The following EPHA5 variants were observed in gnomAD, a reference collection of about 807,000 sequenced individuals.
EPHA5 encodes EPH receptor A5.
A neutral mutation model predicts 105.0 loss-of-function variants in EPHA5; 60 were observed. That is an observed-to-expected ratio of 0.57 (90% confidence interval 0.46 to 0.71). EPHA5 has a LOEUF of 0.71. EPHA5 is among the 30% of genes least tolerant of loss of function. The pLI is 0.00. For synonymous variants in EPHA5, 513 were observed against 449.1 expected (o/e 1.14, Z -1.80); for missense variants, 1,218 against 1,274.7 (o/e 0.96, Z 0.68).
intron 2 of EPHA5, among the ~76,000 whole-genome samples, chr4:65,633,702 G>A (rs1181923716): frequency 1.3e-5 from 2 of 151,960 alleles, no homozygotes; most frequent in Non-Finnish European, 2.9e-5. Flanking sequence ...ATATGAGATT[G>A]TGGAAATTAT....
intron 1 of EPHA5, among the ~76,000 whole-genome samples, chr4:65,646,663 A>G (rs1748136658): frequency 6.6e-6 from 1 of 152,152 alleles, no homozygotes. Flanking sequence ...AATTATTTAT[A>G]TGGTATATCA....
intron 3 of EPHA5, among the ~76,000 whole-genome samples, chr4:65,546,591 A>C (rs941793995): frequency 2.0e-5 from 3 of 151,952 alleles, no homozygotes; most frequent in African/African-American, 7.2e-5. Flanking sequence ...ACAACTGTCC[A>C]CTGATTTTTA....
At chr4:65,353,909 A>C (rs1723064647) in intron 11 of EPHA5, among the ~76,000 whole-genome samples, 1 of 151,776 alleles carries the variant, frequency 6.6e-6, no homozygotes, top group Non-Finnish European at 1.5e-5. Context: ...TTTCCTTAGC[A>C]GTCATTAATT....
At chr4:65,513,412 A>T (rs1018449965) in intron 3 of EPHA5, among the ~76,000 whole-genome samples, 2 of 151,964 alleles carry the variant, frequency 1.3e-5, no homozygotes, top group Non-Finnish European at 2.9e-5. Flanking sequence ...TCTGAGTTGG[A>T]GTCTCGCTCT....
At chr4:65,432,075 C>A (rs553568615) in intron 5 of EPHA5, among the ~76,000 whole-genome samples, 3 of 152,072 alleles carry the variant, frequency 2.0e-5, no homozygotes, top group East Asian at 1.9e-4. Context: ...ATTTAAAAAA[C>A]CAGAATTGAG....
chr4:65,571,252 A>C (rs1740144522), intron 3 of EPHA5, among the ~76,000 whole-genome samples: 1 of 151,994 alleles, frequency 6.6e-6, no homozygotes, highest in Non-Finnish European at 1.5e-5. Flanking sequence ...TTAAAAAGGA[A>C]CGCTTATTAA....
intron 3 of EPHA5, among the ~76,000 whole-genome samples, chr4:65,563,149 C>T (rs954526226): frequency 6.6e-6 from 1 of 151,690 alleles, no homozygotes; most frequent in Admixed American, 6.6e-5. Flanking sequence ...ATTGTTTTAG[C>T]CATACATAGT....
chr4:65,327,094 G>C (rs1448638034), intron 16 of EPHA5, among the ~76,000 whole-genome samples: 1 of 151,072 alleles, frequency 6.6e-6, no homozygotes, highest in Admixed American at 6.6e-5. Flanking sequence ...TTGAGAACAT[G>C]AAAGACTCTA....
intron 16 of EPHA5, among the ~76,000 whole-genome samples, chr4:65,329,646 A>C (rs1453302496): frequency 6.6e-6 from 1 of 151,250 alleles, no homozygotes; most frequent in African/African-American, 2.4e-5. Flanking sequence ...TAACTCTAAG[A>C]ATTATATTTT....
At chr4:65,437,894 C>T (rs1043744649) in intron 5 of EPHA5, among the ~76,000 whole-genome samples, 9 of 151,770 alleles carry the variant, frequency 5.9e-5, no homozygotes, top group African/African-American at 2.2e-4. Context: ...CATGAATTTA[C>T]ATAGTTAAAA....
intron 8 of EPHA5, among the ~76,000 whole-genome samples, chr4:65,403,273 C>A (rs1409570450): frequency 1.3e-5 from 2 of 152,070 alleles, no homozygotes; most frequent in Non-Finnish European, 2.9e-5. Flanking sequence ...TTGAAAAGTG[C>A]CCAATTCTGT....
chr4:65,371,240 G>A (rs186602886), intron 8 of EPHA5, among the ~76,000 whole-genome samples: 164 of 151,962 alleles, frequency 1.1e-3, no homozygotes, highest in African/African-American at 3.7e-3. Flanking sequence ...TGTCCTTTTG[G>A]AAAACAATGT....
chr4:65,457,891 G>A (rs554438402), intron 5 of EPHA5, among the ~76,000 whole-genome samples: 2 of 151,316 alleles, frequency 1.3e-5, no homozygotes, highest in Non-Finnish European at 2.9e-5. Flanking sequence ...TAGCTAACAG[G>A]GTGAAACCCC....
rs1719536598 is a variant in EPHA5, at chr4:65,320,284, T to A, written c.*3830A>T. On this transcript the variant is annotated 3_prime_UTR_variant, in exon 17 of 17. Coordinates refer to ENST00000613740, the MANE Select transcript of EPHA5 (RefSeq NM_001281766.3). The stretch of plus-strand genomic sequence containing the variant: ...AAAAAATGATGACTTATTTTACTTA[T>A]TAATGTCAAATAAAGCTAGCATTTT... 4.3e-6 allele frequency: 1 copy of A among 230,282 alleles called. No individual in the cohort carries two copies. Among genetic ancestry groups the A allele is most frequent in the African/African-American group, 2.2e-5 (1 of 45,154 alleles). 14.3% of individuals were successfully genotyped at this position (230,282 alleles called of 1,614,324 possible).
At chr4:65,600,371 T>C (rs1228461290) in intron 3 of EPHA5, among the ~76,000 whole-genome samples, 1 of 152,152 alleles carries the variant, frequency 6.6e-6, no homozygotes, top group African/African-American at 2.4e-5. Flanking sequence ...ATGTAGAAAG[T>C]TGTAGCTTGC....
At chr4:65,415,452 A>G (rs2149024342) in intron 6 of EPHA5, among the ~76,000 whole-genome samples, 1 of 152,134 alleles carries the variant, frequency 6.6e-6, no homozygotes, top group South Asian at 2.1e-4. Context: ...TACCACTAAT[A>G]CTATCTAAAA....
At chr4:65,651,896 G>A (rs1355140655) in intron 1 of EPHA5, among the ~76,000 whole-genome samples, 4 of 152,076 alleles carry the variant, frequency 2.6e-5, no homozygotes, top group Admixed American at 6.5e-5. Flanking sequence ...AAAGTGTTAA[G>A]GCAGAGCTCA....
chr4:65,625,211 T>A (rs180797515), intron 2 of EPHA5, among the ~76,000 whole-genome samples: 1 of 152,226 alleles, frequency 6.6e-6, no homozygotes, highest in Admixed American at 6.5e-5. Context: ...GTAGAACAAA[T>A]CTATTGAATG....
intron 3 of EPHA5, among the ~76,000 whole-genome samples, chr4:65,519,986 C>A (rs1560639202): frequency 6.6e-6 from 1 of 152,170 alleles, no homozygotes. Context: ...CCATCCCCAT[C>A]AAGCTACCAA....
Sources: allele counts gnomAD v4.1 joint callset (sites outside exome capture counted in the v4.1 genomes callset), GRCh38; gene constraint gnomAD v4.1.1; transcripts MANE v1.5; gene names NCBI Gene and HGNC (gene_info 2026-07-23, HGNC 2026-07-21).